The following ARMH3 variants were observed in gnomAD, a reference collection of about 807,000 sequenced individuals.
ARMH3 encodes the protein armadillo-like helical domain-containing protein 3.
A neutral mutation model predicts 99.1 loss-of-function variants in ARMH3; 60 were observed. The ratio of observed to expected loss-of-function variants is 0.61; its 90% confidence interval spans 0.49 to 0.75. The LOEUF is 0.75. Ranked by LOEUF, ARMH3 falls within the 30% of genes least tolerant of loss-of-function variation. The pLI is 0.00. For synonymous variants in ARMH3, 285 were observed against 292.8 expected (o/e 0.97, Z 0.27); for missense variants, 679 against 843.1 (o/e 0.81, Z 2.41).
intron 23 of ARMH3, among the ~76,000 whole-genome samples, chr10:101,890,953 C>A (rs1293647493): frequency 6.7e-6 from 1 of 150,144 alleles, no homozygotes; most frequent in Admixed American, 6.6e-5. Context: ...TGGCTCACTA[C>A]AGCCTCCATC....
chr10:101,984,785 T>C (rs1174686639), intron 19 of ARMH3, among the ~76,000 whole-genome samples: 2 of 151,944 alleles, frequency 1.3e-5, no homozygotes, highest in Non-Finnish European at 2.9e-5. Flanking sequence ...ATATATATAC[T>C]GGAGGCCAGG....
chr10:101,932,477 G>T (rs1590043344), intron 23 of ARMH3, among the ~76,000 whole-genome samples: 1 of 152,188 alleles, frequency 6.6e-6, no homozygotes, highest in Non-Finnish European at 1.5e-5. Context: ...GTTCACACTA[G>T]CATTAGTCAC....
intron 8 of ARMH3, among the ~76,000 whole-genome samples, chr10:102,022,589 C>A (rs900395361): frequency 7.1e-6 from 1 of 139,998 alleles, no homozygotes; most frequent in African/African-American, 2.6e-5. Context: ...GAATTTTTTT[C>A]TTTTTTTCTG....
intron 24 of ARMH3, among the ~76,000 whole-genome samples, chr10:101,852,737 G>GA (rs2066633159): frequency 6.6e-6 from 1 of 150,556 alleles, no homozygotes; most frequent in South Asian, 2.1e-4. Context: ...CTGGATGACA[G>GA]AGCAAGACCT....
intron 13 of ARMH3, among the ~76,000 whole-genome samples, chr10:102,008,693 C>T (rs942781083): frequency 1.6e-4 from 24 of 152,024 alleles, no homozygotes; most frequent in African/African-American, 5.3e-4. Flanking sequence ...GCTGGGACTA[C>T]AGGCGTCCGC....
intron 19 of ARMH3, among the ~76,000 whole-genome samples, chr10:101,983,365 T>C (rs909385271): frequency 3.3e-5 from 5 of 152,208 alleles, no homozygotes; most frequent in African/African-American, 1.2e-4. Flanking sequence ...CACCGCAGCC[T>C]TGACCTCCAC....
At chr10:101,862,459 C>A (rs1049409583) in intron 24 of ARMH3, among the ~76,000 whole-genome samples, 1 of 152,100 alleles carries the variant, frequency 6.6e-6, no homozygotes, top group Admixed American at 6.5e-5. Flanking sequence ...TGCCTGTAAT[C>A]CCAGCTACTG....
At chr10:101,861,552 G>A (rs953485142) in intron 24 of ARMH3, among the ~76,000 whole-genome samples, 4 of 151,646 alleles carry the variant, frequency 2.6e-5, no homozygotes, top group Non-Finnish European at 4.4e-5. Flanking sequence ...CCAACAGGGT[G>A]AAACTCTGTC....
chr10:101,902,064 C>G (rs2067995246), intron 23 of ARMH3, among the ~76,000 whole-genome samples: 1 of 152,146 alleles, frequency 6.6e-6, no homozygotes. Context: ...TATTATTTAA[C>G]AAAATCCACT....
chr10:101,973,836 C>T (rs1845878384), intron 20 of ARMH3, among the ~76,000 whole-genome samples: 1 of 152,222 alleles, frequency 6.6e-6, no homozygotes, highest in Non-Finnish European at 1.5e-5. Context: ...AAGTTATAGA[C>T]ATAAACCATG....
chr10:101,883,416 T>TAA (rs11454896), intron 24 of ARMH3, among the ~76,000 whole-genome samples: 3 of 150,472 alleles, frequency 2.0e-5, no homozygotes, highest in Non-Finnish European at 4.4e-5. Flanking sequence ...ACCTTGTCTC[T>TAA]AAAAAAAAAT....
intron 23 of ARMH3, among the ~76,000 whole-genome samples, chr10:101,924,519 GC>G: frequency 6.6e-6 from 1 of 151,280 alleles, no homozygotes; most frequent in Non-Finnish European, 1.5e-5. Flanking sequence ...CCGCCACCAT[GC>G]CTGGCTTTTT....
At chr10:101,950,558 T>C (rs1844738185) in intron 22 of ARMH3, among the ~76,000 whole-genome samples, 1 of 152,226 alleles carries the variant, frequency 6.6e-6, no homozygotes, top group Non-Finnish European at 1.5e-5. Flanking sequence ...TGTCTACCAA[T>C]TGATGAATGG....
intron 15 of ARMH3, among the ~76,000 whole-genome samples, chr10:101,995,707 T>C (rs1366646101): frequency 6.6e-6 from 1 of 152,202 alleles, no homozygotes; most frequent in African/African-American, 2.4e-5. Context: ...CCATTTCCTT[T>C]TCCACCCACC....
chr10:101,976,154 G>C lies in ARMH3; in HGVS notation c.1407-854C>G, dbSNP rs368024263. On this transcript the variant is annotated intron_variant, in intron 19 of 25. Coordinates refer to ENST00000370033, the MANE Select transcript of ARMH3 (RefSeq NM_024541.3). ...ATTGCGCTCCAGCCTGGGTGACAGAGTGAGACTCTGTCTCAAAAAAAAAAA... is the reference window on the plus strand; with the variant it reads ...ATTGCGCTCCAGCCTGGGTGACAGACTGAGACTCTGTCTCAAAAAAAAAAA... Among the ~76,000 whole-genome samples, 10 of 118,842 alleles carry C rather than the reference G, an allele frequency of 8.4e-5. No individual in the cohort carries two copies. In the South Asian group the frequency reaches 3.0e-3, roughly 35 times the overall value. 78.0% of individuals were successfully genotyped at this position (118,842 alleles called of 152,430 possible).
At chr10:101,919,538 G>C (rs1431843592) in intron 23 of ARMH3, among the ~76,000 whole-genome samples, 4 of 152,116 alleles carry the variant, frequency 2.6e-5, no homozygotes, top group African/African-American at 7.2e-5. Context: ...AGAGGGCTTT[G>C]CTTCTCTTCT....
intron 1 of ARMH3, among the ~76,000 whole-genome samples, chr10:102,044,146 T>C (rs1447119884): frequency 6.9e-6 from 1 of 144,722 alleles, no homozygotes; most frequent in Non-Finnish European, 1.5e-5. Flanking sequence ...CAGGCTGGAG[T>C]GCAGCAGCGC....
chr10:101,900,664 C>T (rs904923435), intron 23 of ARMH3, among the ~76,000 whole-genome samples: 2 of 152,150 alleles, frequency 1.3e-5, no homozygotes, highest in Non-Finnish European at 2.9e-5. Flanking sequence ...ATTGACTAGT[C>T]TTCTTTTCCC....
chr10:101,895,758 A>G (rs2067814866), intron 23 of ARMH3, among the ~76,000 whole-genome samples: 1 of 152,206 alleles, frequency 6.6e-6, no homozygotes, highest in Non-Finnish European at 1.5e-5. Flanking sequence ...ATAAGAGAAA[A>G]TATTTGCAAA....
Sources: gnomAD v4.1 joint callset for allele counts (sites outside exome capture counted in the v4.1 genomes callset) on GRCh38, gnomAD v4.1.1 for gene constraint, MANE v1.5 for transcripts, NCBI Gene and HGNC (gene_info 2026-07-23, HGNC 2026-07-21) for gene names.